The following PLCD3 variants were observed in gnomAD, a reference collection of about 807,000 sequenced individuals.
PLCD3 encodes 1-phosphatidylinositol 4,5-bisphosphate phosphodiesterase delta-3.
A neutral mutation model predicts 82.8 loss-of-function variants in PLCD3; 62 were observed. That is an observed-to-expected ratio of 0.75 (90% CI 0.61 to 0.93). The LOEUF is 0.93. Among genes scored for constraint, PLCD3 ranks in the 40% least tolerant of loss-of-function variants. The pLI is 0.00. For missense variants in PLCD3, 1,023 were observed against 1,103.4 expected (o/e 0.93, Z 1.03); for synonymous variants, 478 against 471.8 (o/e 1.01, Z -0.17).
At chr17:45,123,455 G>C (rs969740131) in intron 1 of PLCD3, among the ~76,000 whole-genome samples, 12 of 152,250 alleles carry the variant, frequency 7.9e-5, no homozygotes, top group Admixed American at 7.8e-4. Context: ...CAGGATACCA[G>C]CTAGTGTTGA....
At chr17:45,120,280 G>C (rs1284707036) in intron 4 of PLCD3, 45 bp downstream of exon 4, 1 of 1,612,476 alleles carries the variant, frequency 6.2e-7, no homozygotes. Context: ...GCAGAGGTCA[G>C]AGTGATGGCA....
At chr17:45,126,265 C>G (rs895581394) in intron 1 of PLCD3, among the ~76,000 whole-genome samples, 9 of 149,800 alleles carry the variant, frequency 6.0e-5, no homozygotes, top group African/African-American at 1.7e-4. Context: ...CCAGGATGGT[C>G]TTGATATCCT....
chr17:45,117,368 C>G (rs1328503117), intron 7 of PLCD3, among the ~76,000 whole-genome samples: 1 of 151,886 alleles, frequency 6.6e-6, no homozygotes, highest in Non-Finnish European at 1.5e-5. Flanking sequence ...ACCTCAGCCT[C>G]CTGAGTAACT....
Position 45,120,942 on chromosome 17 carries a change from C to A in PLCD3, c.514G>T (p.Ala172Ser). The A allele has an allele frequency of 6.7e-7, 1 of 1,485,244 alleles. No individual in the cohort carries two copies. 92.0% of individuals were successfully genotyped at this position (1,485,244 alleles called of 1,614,324 possible). ...CGCTGGCTCATGGCGTCCAGGCGCGCGCGGAGCTTGGTCAGACCGCGCACC... is the reference window on the plus strand; with the variant it reads ...CGCTGGCTCATGGCGTCCAGGCGCGAGCGGAGCTTGGTCAGACCGCGCACC... Reference protein sequence around the residue: ...RWVRGLTKLRARLDAMSQRER... With the variant: ...RWVRGLTKLRSRLDAMSQRER... Residue 172 changes from alanine (A) to serine (S), a missense_variant, in exon 3 of 15, where the codon GCG becomes TCG. By Grantham distance (99) the Ala-to-Ser change is moderately conservative. Around this residue, in one of 3 missense-constraint regions of PLCD3, gnomAD observed 448 missense variants for 406.3 expected, o/e 1.10. Coordinates refer to ENST00000619929, the MANE Select transcript of PLCD3 (RefSeq NM_133373.5).
intron 1 of PLCD3, among the ~76,000 whole-genome samples, chr17:45,123,956 A>ACCCCC (rs33990992): frequency 2.6e-4 from 33 of 129,302 alleles, no homozygotes; most frequent in African/African-American, 4.9e-4. Flanking sequence ...GGCTCACCAG[A>ACCCCC]CCCCCCCCCC....
intron 8 of PLCD3, chr17:45,115,709 A>G: frequency 1.8e-6 from 1 of 553,704 alleles, no homozygotes; most frequent in East Asian, 2.9e-5. Flanking sequence ...ACATCAGAAT[A>G]TACACAGCAG....
chr17:45,116,421 G>A (rs566079087), intron 8 of PLCD3, among the ~76,000 whole-genome samples: 49 of 152,136 alleles, frequency 3.2e-4, no homozygotes, highest in African/African-American at 1.1e-3. Context: ...GAGGGTGTGT[G>A]TGTGGGGGGG....
intron 1 of PLCD3, among the ~76,000 whole-genome samples, chr17:45,129,443 G>A (rs2054403927): frequency 6.6e-6 from 1 of 152,190 alleles, no homozygotes; most frequent in African/African-American, 2.4e-5. Context: ...ACTCCAGCCT[G>A]GGTGACAGAA....
At chr17:45,130,623 T>C (rs909017879) in intron 1 of PLCD3, among the ~76,000 whole-genome samples, 5 of 152,178 alleles carry the variant, frequency 3.3e-5, no homozygotes, top group African/African-American at 1.2e-4. Flanking sequence ...CTGGGGTCCA[T>C]CCTGGGTGTC....
chr17:45,112,734 C>A, intron 14 of PLCD3, 30 bp from the exon 15 acceptor site: 1 of 1,594,612 alleles, frequency 6.3e-7, no homozygotes, highest in East Asian at 2.3e-5. Context: ...GCCTCAGGTC[C>A]TCTGTGCACC....
intron 3 of PLCD3, 67 bp from the exon 4 acceptor site, chr17:45,120,521 A>AACC (rs1276227949): frequency 1.2e-6 from 2 of 1,604,592 alleles, no homozygotes; most frequent in Non-Finnish European, 1.7e-6. Flanking sequence ...ACTGGCTGGT[A>AACC]AGTCACCCCC....
chr17:45,115,618 A>G lies in PLCD3; in HGVS notation c.1414-128T>C, dbSNP rs549660780. On this transcript the variant is annotated intron_variant, in intron 8 of 14. Transcript: ENST00000619929. Reference sequence around the variant, plus strand: ...GTGGGAGGCAGGAAAGGAGACACAGAGATGAGCGATGTTTCTAATAGGAAA... The same window carrying G: ...GTGGGAGGCAGGAAAGGAGACACAGGGATGAGCGATGTTTCTAATAGGAAA... 1.8e-5 allele frequency: 14 copies of G among 790,982 alleles called. No homozygotes were observed. The East Asian group carries it at 3.3e-4, about 18-fold the overall frequency. The allele number at this position is 790,982 out of a possible 1,614,324, so 49.0% of individuals were successfully genotyped here. A position where few individuals can be genotyped will look rare whatever the true frequency, so the allele number is the denominator to read the frequency against.
Position 45,118,698 on chromosome 17 carries a change from TGGA to T in PLCD3, c.913+114_913+116del, listed in dbSNP as rs1172067134. 2 of 1,176,784 alleles carry T rather than the reference TGGA, an allele frequency of 1.7e-6. No homozygotes were observed. Among genetic ancestry groups the T allele is most frequent in the African/African-American group, 3.1e-5 (2 of 65,282 alleles). The allele number at this position is 1,176,784 out of a possible 1,614,324, so 72.9% of individuals were successfully genotyped here. A position where few individuals can be genotyped will look rare whatever the true frequency, so the allele number is the denominator to read the frequency against. Reference sequence around the variant, plus strand: ...ATTTTACACATGTGGAAGCTGAGTCTGGAGGAGGTGAGGTAACCTGCCCGAGAT... The same window carrying T: ...ATTTTACACATGTGGAAGCTGAGTCTGGAGGTGAGGTAACCTGCCCGAGAT... On this transcript the variant is annotated intron_variant, in intron 5 of 14. Coordinates refer to ENST00000619929, the MANE Select transcript of PLCD3 (RefSeq NM_133373.5). The surrounding 1 kb of genome is among the most constrained non-coding windows in gnomAD (Gnocchi z 4.1).
At chr17:45,116,326 G>A (rs1320753478) in intron 8 of PLCD3, among the ~76,000 whole-genome samples, 1 of 152,152 alleles carries the variant, frequency 6.6e-6, no homozygotes, top group African/African-American at 2.4e-5. Context: ...AGTGTCAAGC[G>A]GGGCCTTGCA....
chr17:45,131,806 A>T (rs1254507037), intron 1 of PLCD3, among the ~76,000 whole-genome samples: 1 of 152,044 alleles, frequency 6.6e-6, no homozygotes, highest in Non-Finnish European at 1.5e-5. Context: ...CGCGGCTTGG[A>T]GGGCTGCTGT....
rs1343317074 is a variant in PLCD3 at position 45,115,436 on chromosome 17, C to T, written c.1468G>A (p.Glu490Lys). The T allele has an allele frequency of 1.9e-6, 3 of 1,612,478 alleles. No individual in the cohort carries two copies. Among genetic ancestry groups the T allele is most frequent in the East Asian group, 2.2e-5 (1 of 44,832 alleles). ...KGKKLPAARSEDGRALSDREE... is the reference protein window; with the variant it reads ...KGKKLPAARSKDGRALSDREE... The stretch of plus-strand genomic sequence containing the variant: ...CGATCCGACAGAGCCCGGCCATCCT[C>T]GCTCCGAGCAGCGGGCAACTTCTTT... The change falls in exon 9 of 15, where the codon GAG (glutamate) becomes AAG (lysine). Residue 490 changes from glutamate to lysine, a missense_variant. By Grantham distance (56) the Glu-to-Lys change is moderately conservative. Coordinates refer to ENST00000619929, the MANE Select transcript of PLCD3 (RefSeq NM_133373.5).
At chr17:45,128,981 A>C (rs984587895) in intron 1 of PLCD3, among the ~76,000 whole-genome samples, 3 of 152,180 alleles carry the variant, frequency 2.0e-5, no homozygotes, top group African/African-American at 7.2e-5. Context: ...CCTGGGTTCA[A>C]ATTTTCTCTC....
In PLCD3 at chr17:45,118,348, T is replaced by C. The variant is rs1294264803; in HGVS notation, c.1058A>G (p.Asn353Ser). The change falls in exon 6 of 15, where the codon AAC (asparagine) becomes AGC (serine). Residue 353 changes from asparagine (N) to serine (S), a missense_variant. Asn to Ser is a conservative substitution (Grantham distance 46). This residue lies in a region of PLCD3 where 553 missense variants were observed against 655.7 expected (regional missense o/e 0.84). Coordinates refer to ENST00000619929, the MANE Select transcript of PLCD3 (RefSeq NM_133373.5). The surrounding 1 kb of genome is among the most constrained non-coding windows in gnomAD (Gnocchi z 4.1). Reference protein sequence around the residue: ...LAHYFISSSHNTYLTDSQIGG... With the variant: ...LAHYFISSSHSTYLTDSQIGG... The stretch of plus-strand genomic sequence containing the variant: ...GATCTGGGAGTCAGTCAGATAGGTG[T>C]TGTGGGAGGAAGAGATGAAGTAGTG... The C allele has an allele frequency of 6.2e-7, 1 of 1,613,706 alleles. No individual in the cohort carries two copies. The highest frequency in any genetic ancestry group is 8.5e-7 in the Non-Finnish European group (1 of 1,179,850).
At chr17:45,128,717 G>A (rs1181281237) in intron 1 of PLCD3, among the ~76,000 whole-genome samples, 1 of 152,264 alleles carries the variant, frequency 6.6e-6, no homozygotes, top group African/African-American at 2.4e-5. Flanking sequence ...AGGGTGGCCA[G>A]AGAAAATCCA....
Sources: allele counts gnomAD v4.1 joint callset (sites outside exome capture counted in the v4.1 genomes callset), GRCh38; gene constraint gnomAD v4.1.1; regional missense constraint gnomAD v4.1.1; non-coding constraint Gnocchi (gnomAD v3.1); transcripts MANE v1.5; gene names NCBI Gene and HGNC (gene_info 2026-07-23, HGNC 2026-07-21).